The following SEMA4A variants were observed in gnomAD, a reference collection of about 807,000 sequenced individuals.
SEMA4A encodes semaphorin-4A.
A neutral mutation model predicts 72.5 loss-of-function variants in SEMA4A; 52 were observed. The observed-to-expected ratio is 0.72, with a 90% CI of 0.57 to 0.90. The LOEUF (loss-of-function observed/expected upper bound fraction) is 0.90, where lower values mean the gene tolerates loss of function less well. Among genes scored for constraint, SEMA4A ranks in the 40% least tolerant of loss-of-function variants. The pLI is 0.00. For synonymous variants in SEMA4A, 369 were observed against 393.1 expected (o/e 0.94, Z 0.73); for missense variants, 926 against 959.7 (o/e 0.96, Z 0.46).
rs745715951 is a variant in SEMA4A at position 156,156,515 on chromosome 1, C to A, written c.241C>A (p.Arg81=). ...GDGNTLYVGA[R]EAILALDIQD... ...TGGAAATACTCTCTACGTGGGGGCT[C>A]GAGAAGCCATTCTGGCCTTGGATAT... The change falls in exon 3 of 15, where the codon CGA becomes AGA. Residue 81 remains arginine (R), a synonymous_variant. Transcript: ENST00000368285. 1 of 1,614,030 alleles carries A rather than the reference C, an allele frequency of 6.2e-7. No homozygotes were observed. Among genetic ancestry groups the A allele is most frequent in the Non-Finnish European group, 8.5e-7 (1 of 1,179,988 alleles).
rs777094728 is a variant in SEMA4A at position 156,162,900 on chromosome 1, G to A, written c.984-44G>A. The A allele has an allele frequency of 1.2e-5, 19 of 1,611,370 alleles. No individual in the cohort carries two copies. In the African/African-American group the frequency reaches 2.5e-4, roughly 22 times the overall value. ...GCCAGCGCTGGAGAGAGAGCTGCTG[G>A]TGTGGCAGAGACCACAGACAATGTT... On this transcript the variant is annotated intron_variant, in intron 9 of 14. Transcript: ENST00000368285.
At chr1:156,156,634 C>T in intron 3 of SEMA4A, 60 bp downstream of exon 3, 1 of 1,559,944 alleles carries the variant, frequency 6.4e-7, no homozygotes, top group Admixed American at 1.7e-5. Context: ...GGCAGCTACC[C>T]TGGGCTTGGC....
At chr1:156,174,961 CA>C (rs1207156375) in intron 12 of SEMA4A, 21 bp downstream of exon 12, 1 of 1,614,106 alleles carries the variant, frequency 6.2e-7, no homozygotes, top group African/African-American at 1.3e-5. Context: ...ACCTGACCAT[CA>C]AATGGCCTTC....
At chr1:156,148,927 C>T (rs771730212), upstream of SEMA4A, among the ~76,000 whole-genome samples, 68 of 151,928 alleles carry the variant, frequency 4.5e-4, no homozygotes, top group Non-Finnish European at 1.5e-4. Flanking sequence ...CTCAGCCTCC[C>T]GAGTAGCTGG....
chr1:156,176,935 T>C lies in SEMA4A; in HGVS notation c.2224T>C (p.Cys742Arg). The change falls in exon 15 of 15, where the codon TGC becomes CGC. Residue 742 changes from cysteine to arginine, a missense_variant. Cys to Arg is a radical substitution (Grantham distance 180). Transcript: ENST00000368285. ...REQHLQSPKE[C>R]RTSASDVDAD... ...GCAACACCTCCAGTCTCCCAAGGAA[T>C]GCAGGACCTCTGCCAGTGATGTGGA... is the stretch of plus-strand genomic sequence containing the variant. 1 of 1,614,122 alleles carries C rather than the reference T, an allele frequency of 6.2e-7. No homozygotes were observed. The highest frequency in any genetic ancestry group is 1.1e-5 in the South Asian group (1 of 91,092).
At chr1:156,168,170 C>T (rs1489579762) in intron 10 of SEMA4A, among the ~76,000 whole-genome samples, 3 of 151,826 alleles carry the variant, frequency 2.0e-5, no homozygotes, top group Non-Finnish European at 4.4e-5. Flanking sequence ...GTGATCCACC[C>T]GCCTCGGCCT....
rs1301065057 is a variant in SEMA4A, at chr1:156,172,931, G to C, written c.1240G>C (p.Glu414Gln). 1.2e-6 allele frequency: 2 copies of C among 1,614,146 alleles called. No homozygotes were observed. Among genetic ancestry groups the C allele is most frequent in the South Asian group, 2.2e-5 (2 of 91,076 alleles). Residue 414 changes from glutamate to glutamine, a missense_variant, in exon 11 of 15, where the codon GAG becomes CAG. Physicochemically the swap from Glu to Gln is conservative, Grantham distance 29. Coordinates refer to ENST00000368285, the MANE Select transcript of SEMA4A (RefSeq NM_022367.4). Reference protein sequence around the residue: ...GTPLLVKSGVEYTRLAVETAQ... With the variant: ...GTPLLVKSGVQYTRLAVETAQ... ...GCCCCTGCTGGTGAAATCTGGCGTG[G>C]AGTATACACGGCTTGCAGTGGAGAC...
At chr1:156,160,058 C>T (rs1159596423) in intron 6 of SEMA4A, among the ~76,000 whole-genome samples, 1 of 151,986 alleles carries the variant, frequency 6.6e-6, no homozygotes, top group Non-Finnish European at 1.5e-5. Context: ...GATAGGTAGA[C>T]AGATGGCAGG....
At chr1:156,161,262 C>A (rs2102959345) in intron 8 of SEMA4A, 84 bp from the exon 9 acceptor site, 1 of 602,464 alleles carries the variant, frequency 1.7e-6, no homozygotes, top group Non-Finnish European at 2.2e-6. Context: ...GGGGGACACG[C>A]CGAGCTGCGG....
Position 156,176,917 on chromosome 1 carries a change from C to A in SEMA4A, c.2206C>A (p.Leu736Ile). 6.2e-7 allele frequency: 1 copy of A among 1,614,256 alleles called. No homozygotes were observed. Among genetic ancestry groups the A allele is most frequent in the East Asian group, 2.2e-5 (1 of 44,890 alleles). ...EKAPLSREQH[L>I]QSPKECRTSA... ...GGCCCCGTTAAGCAGAGAGCAACAC[C>A]TCCAGTCTCCCAAGGAATGCAGGAC... Residue 736 changes from leucine to isoleucine, a missense_variant, in exon 15 of 15, where the codon CTC becomes ATC. Leu to Ile is a conservative substitution (Grantham distance 5). Coordinates refer to ENST00000368285, the MANE Select transcript of SEMA4A (RefSeq NM_022367.4).
chr1:156,160,637 A>C (rs1572398284), intron 7 of SEMA4A, 78 bp downstream of exon 7: 2 of 1,302,324 alleles, frequency 1.5e-6, no homozygotes, highest in South Asian at 2.4e-5. Flanking sequence ...CATTTGCGGA[A>C]GGTACAATGT....
upstream of SEMA4A, among the ~76,000 whole-genome samples, chr1:156,152,810 T>C (rs749213094): frequency 1.3e-5 from 2 of 152,122 alleles, no homozygotes; most frequent in Non-Finnish European, 2.9e-5. Context: ...GTGGATTATT[T>C]ATTAGAGTTG....
At position 156,174,833 on chromosome 1, in the gene SEMA4A, C is replaced by T. The variant is rs1450557666; in HGVS notation, c.1327C>T (p.Leu443Phe). 1.9e-6 allele frequency: 3 copies of T among 1,614,206 alleles called. No homozygotes were observed. The highest frequency in any genetic ancestry group is 2.5e-6 in the Non-Finnish European group (3 of 1,180,028). The change falls in exon 12 of 15, where the codon CTC (leucine) becomes TTC (phenylalanine). Residue 443 changes from leucine to phenylalanine, a missense_variant. Transcript: ENST00000368285. The part of the protein sequence containing the change: ...VMYLGTTTGS[L>F]HKAVVSGDSS... Reference sequence around the variant, plus strand: ...CTGTCTCCCCATAGCCACAGGGTCGCTCCACAAGGCTGTGGTAAGTGGGGA... The same window carrying T: ...CTGTCTCCCCATAGCCACAGGGTCGTTCCACAAGGCTGTGGTAAGTGGGGA...
chr1:156,158,450 C>A lies in SEMA4A; in HGVS notation c.426C>A (p.Cys142Ter). 2 of 1,613,990 alleles carry A rather than the reference C, an allele frequency of 1.2e-6. No individual in the cohort carries two copies. Among genetic ancestry groups the A allele is most frequent in the East Asian group, 4.5e-5 (2 of 44,874 alleles). The change falls in exon 5 of 15, where the codon TGC becomes TGA. Residue 142 changes from cysteine to a stop codon, truncating the protein, a stop_gained. Transcript: ENST00000368285. LOFTEE classifies it high-confidence loss of function. ...ACAATGTCACCCATCTCTACACCTGCGGCACCTTCGCCTTCAGCCCTGCTT... is the reference window on the plus strand; with the variant it reads ...ACAATGTCACCCATCTCTACACCTGAGGCACCTTCGCCTTCAGCCCTGCTT... ...VSYNVTHLYT[C>*]GTFAFSPACT... is the part of the protein sequence containing the mutation.
At chr1:156,159,715 C>T (rs1653396706) in intron 6 of SEMA4A, among the ~76,000 whole-genome samples, 1 of 151,940 alleles carries the variant, frequency 6.6e-6, no homozygotes, top group South Asian at 2.1e-4. Context: ...TTGAGACCAG[C>T]TTGGGCAATA....
chr1:156,176,295 CAAAAAA>C, intron 14 of SEMA4A, 104 bp from the exon 15 acceptor site: 3 of 724,826 alleles, frequency 4.1e-6, no homozygotes, highest in South Asian at 3.6e-5. Context: ...GAACCTGCCT[CAAAAAA>C]AAAAAAAAAA....
At position 156,176,454 on chromosome 1, in the gene SEMA4A, C is replaced by G; in HGVS notation, c.1743C>G (p.Pro581=). 6.2e-7 allele frequency: 1 copy of G among 1,614,168 alleles called. No homozygotes were observed. The change falls in exon 15 of 15, where the codon CCC becomes CCG. Residue 581 remains proline, a synonymous_variant. Transcript: ENST00000368285. The part of the protein sequence containing the change: ...VPNSILELPC[P]HLSALASYYW... Reference sequence around the variant, plus strand: ...ACTCCATCCTGGAGCTCCCCTGCCCCCACCTGTCAGCCTTGGCCTCTTATT... The same window carrying G: ...ACTCCATCCTGGAGCTCCCCTGCCCGCACCTGTCAGCCTTGGCCTCTTATT...
intron 6 of SEMA4A, among the ~76,000 whole-genome samples, chr1:156,160,099 CCA>C (rs1386839224): frequency 1.3e-5 from 2 of 151,930 alleles, no homozygotes; most frequent in Non-Finnish European, 2.9e-5. Flanking sequence ...AGGGTAGGAC[CCA>C]AGGTGTGGAA....
upstream of SEMA4A, among the ~76,000 whole-genome samples, chr1:156,151,033 C>A (rs914530739): frequency 6.6e-6 from 1 of 152,200 alleles, no homozygotes; most frequent in Non-Finnish European, 1.5e-5. Context: ...CCATTCCCAG[C>A]CAAGGTACTT....
Sources: allele counts gnomAD v4.1 joint callset (sites outside exome capture counted in the v4.1 genomes callset), GRCh38; gene constraint gnomAD v4.1.1; transcripts MANE v1.5; gene names NCBI Gene and HGNC (gene_info 2026-07-23, HGNC 2026-07-21).